The following LRP1B variants were observed in gnomAD, a reference collection of about 807,000 sequenced individuals.
LRP1B encodes low-density lipoprotein receptor-related protein 1B.
A neutral mutation model predicts 556.6 loss-of-function variants in LRP1B; 217 were observed. The observed-to-expected ratio is 0.39, with a 90% CI of 0.35 to 0.44. The LOEUF is 0.44. Among genes scored for constraint, LRP1B ranks in the 20% least tolerant of loss-of-function variants. LRP1B has a pLI of 1.00. For missense variants in LRP1B, 5,053 were observed against 5,620.8 expected, an observed-to-expected ratio of 0.90 and a Z score of 3.23; for synonymous variants, 2,047 against 1,865.8, an observed-to-expected ratio of 1.10 and a Z score of -2.50.
chr2:140,377,996 A>C (rs999741196), intron 68 of LRP1B, among the ~76,000 whole-genome samples, 184 bp downstream of exon 68: 2 of 152,216 alleles, frequency 1.3e-5, no homozygotes, highest in South Asian at 4.1e-4. Flanking sequence ...TGTCAATAGC[A>C]GCACAAGAGC....
chr2:141,592,823 T>C (rs1452080428), intron 2 of LRP1B, among the ~76,000 whole-genome samples: 1 of 152,172 alleles, frequency 6.6e-6, no homozygotes, highest in East Asian at 1.9e-4. Context: ...GAAAGAATCC[T>C]TGGTACTCTG....
At chr2:141,059,101 G>T (rs577240212) in intron 8 of LRP1B, 47 bp from the exon 9 acceptor site, 4 of 1,241,618 alleles carry the variant, frequency 3.2e-6, no homozygotes, top group Non-Finnish European at 4.3e-6. Context: ...TATGTAGCTT[G>T]CAATTTGAAA....
intron 1 of LRP1B, among the ~76,000 whole-genome samples, chr2:141,891,833 G>C (rs1414497675): frequency 6.6e-6 from 1 of 151,972 alleles, no homozygotes; most frequent in Non-Finnish European, 1.5e-5. Context: ...AAAACTTTCA[G>C]TTTCTTATCC....
At chr2:142,085,974 G>A (rs1705904302) in intron 1 of LRP1B, among the ~76,000 whole-genome samples, 1 of 152,084 alleles carries the variant, frequency 6.6e-6, no homozygotes, top group African/African-American at 2.4e-5. Flanking sequence ...CTCCCTTACT[G>A]TCTATAGGGT....
At chr2:141,221,637 C>T (rs1040312418) in intron 6 of LRP1B, among the ~76,000 whole-genome samples, 2 of 152,170 alleles carry the variant, frequency 1.3e-5, no homozygotes, top group African/African-American at 4.8e-5. Context: ...CTTCTCAGCA[C>T]CACATGGCAC....
intron 15 of LRP1B, among the ~76,000 whole-genome samples, chr2:141,002,342 G>T (rs949017555): frequency 6.6e-6 from 1 of 151,968 alleles, no homozygotes; most frequent in Non-Finnish European, 1.5e-5. Context: ...GTTCAGCCAA[G>T]AATTAATATG....
At chr2:141,844,075 A>G (rs949325116) in intron 1 of LRP1B, among the ~76,000 whole-genome samples, 3 of 152,104 alleles carry the variant, frequency 2.0e-5, no homozygotes, top group Admixed American at 1.3e-4. Flanking sequence ...AACTGGAACT[A>G]GGAAGAAAAG....
chr2:141,826,354 G>GTTTTTTTTTTTTTT (rs70994454), intron 1 of LRP1B, among the ~76,000 whole-genome samples: 2 of 97,074 alleles, frequency 2.1e-5, no homozygotes, highest in Admixed American at 1.4e-4. Context: ...CTTTTCAGAA[G>GTTTTTTTTTTTTTT]TTTTTTTTTT....
At chr2:141,247,131 C>T (rs2105326492) in intron 5 of LRP1B, 95 bp downstream of exon 5, 1 of 1,387,782 alleles carries the variant, frequency 7.2e-7, no homozygotes, top group East Asian at 2.3e-5. Flanking sequence ...TCTTCAAAGT[C>T]CATATTTCTG....
At chr2:141,867,610 A>T (rs868200340) in intron 1 of LRP1B, among the ~76,000 whole-genome samples, 8 of 152,142 alleles carry the variant, frequency 5.3e-5, no homozygotes, top group African/African-American at 1.9e-4. Context: ...TTACATTTTT[A>T]TCAGCGTTAT....
chr2:141,431,796 G>A (rs1680571032), intron 3 of LRP1B, among the ~76,000 whole-genome samples: 1 of 151,948 alleles, frequency 6.6e-6, no homozygotes, highest in South Asian at 2.1e-4. Context: ...AAATATAATT[G>A]ATTTTTGTAT....
At chr2:141,782,914 T>C (rs1393680799) in intron 2 of LRP1B, among the ~76,000 whole-genome samples, 1 of 152,046 alleles carries the variant, frequency 6.6e-6, no homozygotes, top group Non-Finnish European at 1.5e-5. Flanking sequence ...TTAGGGAGGA[T>C]GTAAACAGGA....
At chr2:141,368,024 A>G (rs955397499) in intron 3 of LRP1B, among the ~76,000 whole-genome samples, 4 of 152,180 alleles carry the variant, frequency 2.6e-5, no homozygotes, top group Admixed American at 6.5e-5. Flanking sequence ...ATGCCATTAA[A>G]TATTGACTTT....
At chr2:140,955,663 A>G (rs1379052378) in intron 18 of LRP1B, among the ~76,000 whole-genome samples, 3 of 151,796 alleles carry the variant, frequency 2.0e-5, no homozygotes, top group Non-Finnish European at 4.4e-5. Flanking sequence ...TTTACCTATT[A>G]TATGTTTCAC....
At chr2:141,351,962 A>G (rs1378668003) in intron 3 of LRP1B, among the ~76,000 whole-genome samples, 3 of 151,844 alleles carry the variant, frequency 2.0e-5, no homozygotes, top group African/African-American at 7.3e-5. Context: ...TCCTAGAGAC[A>G]TGAGGGAGTA....
intron 21 of LRP1B, among the ~76,000 whole-genome samples, 196 bp downstream of exon 21, chr2:140,922,769 T>C (rs138349317): frequency 6.6e-6 from 1 of 152,098 alleles, no homozygotes; most frequent in African/African-American, 2.4e-5. Context: ...ATGAATCCAA[T>C]GCGGAGAACA....
Position 140,821,509 on chromosome 2 carries a change from C to T in LRP1B, c.5210-7703G>A, listed in dbSNP as rs774722667. Among the ~76,000 whole-genome samples, 21 of 152,148 alleles carry T rather than the reference C, an allele frequency of 1.4e-4. 1 individual carries two copies. The highest frequency in any genetic ancestry group is 3.4e-3 in the Middle Eastern group (1 of 294). On this transcript the variant is annotated intron_variant, in intron 31 of 90. Transcript: ENST00000389484. ...AATAACAGAAATGCATAATATTGAA[C>T]AAGGAAACATATCCAAGACTTTTTT...
chr2:141,997,444 T>C (rs1424785629), intron 1 of LRP1B, among the ~76,000 whole-genome samples: 8 of 137,260 alleles, frequency 5.8e-5, no homozygotes, highest in African/African-American at 2.2e-4. Flanking sequence ...TGTGTGTATA[T>C]ACACACACAC....
intron 1 of LRP1B, among the ~76,000 whole-genome samples, chr2:141,875,227 C>G (rs1414195824): frequency 6.6e-6 from 1 of 151,606 alleles, no homozygotes; most frequent in Non-Finnish European, 1.5e-5. Context: ...CCAGGCGGGT[C>G]TCAAACTCCT....
Sources: allele counts gnomAD v4.1 joint callset (sites outside exome capture counted in the v4.1 genomes callset), GRCh38; gene constraint gnomAD v4.1.1; transcripts MANE v1.5; gene names NCBI Gene and HGNC (gene_info 2026-07-23, HGNC 2026-07-21).